Variants in FGF12 observed in about 807,000 individuals in gnomAD.
FGF12 encodes fibroblast growth factor 12, also known as fibroblast growth factor 12B.
FGF12 carries 14 observed loss-of-function variants against 23.6 expected under a neutral mutation model. The ratio of observed to expected loss-of-function variants is 0.59; its 90% CI spans 0.39 to 0.93. FGF12 has a LOEUF of 0.93. Ranked by LOEUF, FGF12 falls within the 40% of genes least tolerant of loss-of-function variation. The probability of loss-of-function intolerance (pLI) is 0.00; values close to 1 mark genes in which losing one functional copy is unlikely to be tolerated. For missense variants in FGF12, 175 were observed against 217.8 expected (o/e 0.80, Z 1.24); for synonymous variants, 62 against 77.3 (o/e 0.80, Z 1.04).
At chr3:192,208,758 A>T (rs1265186635) in intron 4 of FGF12, among the ~76,000 whole-genome samples, 1 of 152,206 alleles carries the variant, frequency 6.6e-6, no homozygotes, top group African/African-American at 2.4e-5. Context: ...TACTGGGAGC[A>T]ACTCCTTTGT....
chr3:192,267,616 C>T (rs1004413741), intron 4 of FGF12, among the ~76,000 whole-genome samples: 1 of 151,998 alleles, frequency 6.6e-6, no homozygotes, highest in African/African-American at 2.4e-5. Flanking sequence ...CTCTCTTTTC[C>T]CGTAACATAT....
intron 2 of FGF12, among the ~76,000 whole-genome samples, chr3:192,691,252 C>T (rs371165641): frequency 2.4e-4 from 36 of 152,114 alleles, no homozygotes; most frequent in African/African-American, 7.5e-4. Flanking sequence ...TAATGGCACA[C>T]GGAACATTGT....
At chr3:192,170,210 G>A (rs1383292157) in intron 5 of FGF12, among the ~76,000 whole-genome samples, 1 of 146,666 alleles carries the variant, frequency 6.8e-6, no homozygotes, top group East Asian at 2.0e-4. Context: ...TCGAATCCGG[G>A]AGGAGGTTGC....
At chr3:192,415,013 T>A (rs1417427318) in intron 2 of FGF12, among the ~76,000 whole-genome samples, 1 of 152,160 alleles carries the variant, frequency 6.6e-6, no homozygotes, top group African/African-American at 2.4e-5. Flanking sequence ...GTTTAGTAAT[T>A]CAAGTCGAGC....
intron 2 of FGF12, among the ~76,000 whole-genome samples, chr3:192,639,623 T>G (rs958566814): frequency 6.6e-6 from 1 of 152,236 alleles, no homozygotes; most frequent in Admixed American, 6.5e-5. Flanking sequence ...TCCACATCTG[T>G]GGATTCAACT....
intron 2 of FGF12, among the ~76,000 whole-genome samples, chr3:192,693,202 T>A (rs1718001482): frequency 6.6e-6 from 1 of 151,844 alleles, no homozygotes; most frequent in Non-Finnish European, 1.5e-5. Context: ...ATTAAAAAAA[T>A]ACAATGGTTA....
chr3:192,640,509 T>C (rs1297424237), intron 2 of FGF12, among the ~76,000 whole-genome samples: 1 of 152,134 alleles, frequency 6.6e-6, no homozygotes, highest in Non-Finnish European at 1.5e-5. Flanking sequence ...TCACAAAATA[T>C]TAGCAAAAGA....
intron 4 of FGF12, among the ~76,000 whole-genome samples, chr3:192,325,444 G>T (rs954549): frequency 1.3e-5 from 2 of 151,878 alleles, no homozygotes; most frequent in African/African-American, 4.8e-5. Context: ...GCATCATTAA[G>T]TTCAAATTCT....
intron 4 of FGF12, among the ~76,000 whole-genome samples, chr3:192,177,555 C>G (rs1250120545): frequency 1.3e-5 from 2 of 152,172 alleles, no homozygotes; most frequent in African/African-American, 4.8e-5. Context: ...ATACCATAAC[C>G]ATAATTCATC....
chr3:192,272,688 T>G (rs1468837028), intron 4 of FGF12, among the ~76,000 whole-genome samples: 1 of 152,166 alleles, frequency 6.6e-6, no homozygotes, highest in East Asian at 1.9e-4. Flanking sequence ...CCAACTTGCT[T>G]GATTTTTCCC....
At chr3:192,566,332 G>C (rs1712278413) in intron 2 of FGF12, among the ~76,000 whole-genome samples, 1 of 152,150 alleles carries the variant, frequency 6.6e-6, no homozygotes, top group Non-Finnish European at 1.5e-5. Flanking sequence ...CTAGCAGCAT[G>C]TGCAAGATAA....
At chr3:192,286,548 A>G (rs1714457940) in intron 4 of FGF12, among the ~76,000 whole-genome samples, 1 of 152,046 alleles carries the variant, frequency 6.6e-6, no homozygotes, top group African/African-American at 2.4e-5. Flanking sequence ...TACAAATGGT[A>G]GATACAGAGG....
intron 2 of FGF12, among the ~76,000 whole-genome samples, chr3:192,495,570 C>T (rs920986862): frequency 1.3e-5 from 2 of 152,124 alleles, no homozygotes; most frequent in East Asian, 1.9e-4. Context: ...AGAATTAGCA[C>T]ACTCATTTTC....
At chr3:192,506,935 AGGCTGGAGTGTAGT>A (rs1724324155) in intron 2 of FGF12, among the ~76,000 whole-genome samples, 1 of 143,984 alleles carries the variant, frequency 6.9e-6, no homozygotes, top group Non-Finnish European at 1.5e-5. Context: ...ATTGTCACCC[AGGCTGGAGTGTAGT>A]GGTGTGATCT....
chr3:192,580,804 G>A (rs1713101049), intron 2 of FGF12, among the ~76,000 whole-genome samples: 1 of 152,082 alleles, frequency 6.6e-6, no homozygotes, highest in South Asian at 2.1e-4. Flanking sequence ...TCACCATGTT[G>A]GCCAGGCTGG....
chr3:192,211,439 T>A (rs984217420), intron 4 of FGF12, among the ~76,000 whole-genome samples: 1 of 152,158 alleles, frequency 6.6e-6, no homozygotes, highest in Admixed American at 6.5e-5. Flanking sequence ...TTGTTTATTT[T>A]TTTGAGACGG....
chr3:192,236,186 T>C (rs980124304), intron 4 of FGF12, among the ~76,000 whole-genome samples: 1 of 152,130 alleles, frequency 6.6e-6, no homozygotes, highest in Non-Finnish European at 1.5e-5. Context: ...TTTCTTGGTA[T>C]TGATTTCTAT....
At chr3:192,407,443 A>G (rs1053476501) in intron 2 of FGF12, among the ~76,000 whole-genome samples, 3 of 152,202 alleles carry the variant, frequency 2.0e-5, no homozygotes, top group Non-Finnish European at 4.4e-5. Context: ...AGCATGAGGG[A>G]AAAATGAAGA....
chr3:192,560,299 A>G (rs887991656), intron 2 of FGF12, among the ~76,000 whole-genome samples: 2 of 152,030 alleles, frequency 1.3e-5, no homozygotes, highest in African/African-American at 4.8e-5. Context: ...TCTAAGGATT[A>G]CTTTAAGAAG....
Sources: gnomAD v4.1 joint callset for allele counts (sites outside exome capture counted in the v4.1 genomes callset) on GRCh38, gnomAD v4.1.1 for gene constraint, MANE v1.5 for transcripts, NCBI Gene and HGNC (gene_info 2026-07-23, HGNC 2026-07-21) for gene names.